The following ARHGEF28 variants were observed in gnomAD, a reference collection of about 807,000 sequenced individuals.
ARHGEF28 encodes 190 kDa guanine nucleotide exchange factor.
A neutral mutation model predicts 206.6 loss-of-function variants in ARHGEF28; 152 were observed. The ratio of observed to expected loss-of-function variants is 0.74; its 90% CI spans 0.64 to 0.84. The LOEUF is 0.84. Ranked by LOEUF, ARHGEF28 falls within the 40% of genes least tolerant of loss-of-function variation. The probability of loss-of-function intolerance (pLI) is 0.00; values close to 1 mark genes in which losing one functional copy is unlikely to be tolerated. For missense variants in ARHGEF28, 2,028 were observed against 2,073.2 expected, an observed-to-expected ratio of 0.98 and a Z score of 0.42; for synonymous variants, 763 against 776.4, an observed-to-expected ratio of 0.98 and a Z score of 0.29.
chr5:73,725,070 C>A (rs777939459), intron 2 of ARHGEF28, among the ~76,000 whole-genome samples: 2 of 145,648 alleles, frequency 1.4e-5, no homozygotes, highest in African/African-American at 5.7e-5. Context: ...TTAAAAAAAA[C>A]CCTTAATTCC....
rs564501921 is a variant in ARHGEF28, at chr5:73,753,377, A to T, written c.475+175A>T. On this transcript the variant is annotated intron_variant, in intron 4 of 35. Coordinates refer to ENST00000513042, the MANE Select transcript of ARHGEF28 (RefSeq NM_001177693.2). ...GAGCCACTCATCTCTGGGCTGGTTT[A>T]TGTGACTCCGTGCCAGGAGGTGTGG... Among the ~76,000 whole-genome samples, 55 of 152,258 alleles carry T rather than the reference A, an allele frequency of 3.6e-4. 2 individuals are homozygous for T. Among genetic ancestry groups the T allele is most frequent in the Admixed American group, 3.3e-3 (50 of 15,304 alleles).
In ARHGEF28 at chr5:73,787,247, A is replaced by G. The variant is rs552761769; in HGVS notation, c.910+6502A>G. Among the ~76,000 whole-genome samples the G allele has an allele frequency of 3.3e-5, 5 of 152,312 alleles. No individual in the cohort carries two copies. In the South Asian group the frequency reaches 1.0e-3, roughly 32 times the overall value. On this transcript the variant is annotated intron_variant, in intron 7 of 35. Transcript: ENST00000513042. ...TGCAGAGCTGATCATTCACTTGCAT[A>G]CACAGCTCTACCTTGACTCTCATGT... is the stretch of plus-strand genomic sequence containing the variant.
intron 22 of ARHGEF28, among the ~76,000 whole-genome samples, chr5:73,874,807 C>G (rs1190860997): frequency 6.7e-6 from 1 of 148,512 alleles, no homozygotes; most frequent in East Asian, 2.0e-4. Flanking sequence ...TTTTCTTAAT[C>G]CAGTCTATCA....
At chr5:73,726,886 A>G (rs1414559041) in intron 2 of ARHGEF28, among the ~76,000 whole-genome samples, 2 of 151,908 alleles carry the variant, frequency 1.3e-5, no homozygotes, top group Non-Finnish European at 2.9e-5. Flanking sequence ...TTCTTTCTGC[A>G]GAGATAGAAA....
At chr5:73,903,658 A>C (rs1762392865) in intron 31 of ARHGEF28, 1 of 154,124 alleles carries the variant, frequency 6.5e-6, no homozygotes, top group South Asian at 2.0e-4. Flanking sequence ...TGGTCTGGTG[A>C]TCTCTGACTG....
intron 2 of ARHGEF28, among the ~76,000 whole-genome samples, chr5:73,690,097 GTAGA>G (rs993520934): frequency 6.6e-6 from 1 of 151,932 alleles, no homozygotes. Context: ...CCGTGAGAAA[GTAGA>G]TAATTTTATT....
intron 1 of ARHGEF28, among the ~76,000 whole-genome samples, chr5:73,650,558 C>G (rs1236990641): frequency 6.6e-6 from 1 of 152,054 alleles, no homozygotes; most frequent in Non-Finnish European, 1.5e-5. Context: ...GCTGGGATTA[C>G]AGGTGTGAGC....
chr5:73,914,582 A>G (rs1486129592), intron 35 of ARHGEF28, among the ~76,000 whole-genome samples: 1 of 151,836 alleles, frequency 6.6e-6, no homozygotes, highest in Non-Finnish European at 1.5e-5. Context: ...TTTTCAGTAG[A>G]GACGGAGTTT....
chr5:73,656,831 C>T (rs1399652836), intron 1 of ARHGEF28, among the ~76,000 whole-genome samples: 1 of 152,106 alleles, frequency 6.6e-6, no homozygotes, highest in Non-Finnish European at 1.5e-5. Flanking sequence ...TTACTCTCCA[C>T]TTCACTCTGC....
chr5:73,925,097 T>A (rs567598010), intron 35 of ARHGEF28, among the ~76,000 whole-genome samples: 5 of 152,190 alleles, frequency 3.3e-5, no homozygotes, highest in Non-Finnish European at 5.9e-5. Flanking sequence ...AGGCCAGTTT[T>A]TGGTCCCGTG....
intron 33 of ARHGEF28, among the ~76,000 whole-genome samples, chr5:73,905,553 C>T (rs1185334438): frequency 6.6e-6 from 1 of 152,168 alleles, no homozygotes; most frequent in Non-Finnish European, 1.5e-5. Flanking sequence ...TTAAAATTAT[C>T]ATGTTGGTGT....
chr5:73,880,260 C>T (rs537296661), intron 22 of ARHGEF28, among the ~76,000 whole-genome samples: 52 of 152,306 alleles, frequency 3.4e-4, no homozygotes, highest in African/African-American at 5.3e-4. Flanking sequence ...CCTGGTGCGC[C>T]GTTTCCTAAG....
intron 22 of ARHGEF28, among the ~76,000 whole-genome samples, chr5:73,877,515 G>A (rs1463893108): frequency 1.5e-5 from 2 of 133,076 alleles, no homozygotes; most frequent in African/African-American, 3.0e-5. Context: ...TGTGATGTTA[G>A]GGTGTCAATT....
At chr5:73,684,062 T>C (rs140345958) in intron 1 of ARHGEF28, among the ~76,000 whole-genome samples, 146 of 152,352 alleles carry the variant, frequency 9.6e-4, no homozygotes, top group African/African-American at 3.5e-3. Context: ...CTATGATTTT[T>C]AATTTTGATA....
At chr5:73,768,916 C>T (rs1337919493) in intron 4 of ARHGEF28, among the ~76,000 whole-genome samples, 2 of 152,028 alleles carry the variant, frequency 1.3e-5, no homozygotes, top group African/African-American at 2.4e-5. Context: ...CTTTCCTGCA[C>T]TGTTCTCATG....
chr5:73,866,136 T>C (rs1286895983), intron 18 of ARHGEF28, 123 bp downstream of exon 18: 6 of 893,988 alleles, frequency 6.7e-6, no homozygotes, highest in Non-Finnish European at 1.0e-5. Context: ...TCATAACATA[T>C]GCTTGGCATG....
intron 2 of ARHGEF28, among the ~76,000 whole-genome samples, chr5:73,690,808 G>A (rs985403426): frequency 5.3e-5 from 8 of 152,114 alleles, no homozygotes; most frequent in Admixed American, 1.3e-4. Context: ...TGTTGGTTCC[G>A]AAGATTTTTC....
intron 22 of ARHGEF28, among the ~76,000 whole-genome samples, chr5:73,879,955 A>G (rs571359154): frequency 1.2e-4 from 18 of 152,336 alleles, no homozygotes; most frequent in African/African-American, 4.1e-4. Context: ...GCTGTCTTCA[A>G]AGCTGTCAGA....
intron 9 of ARHGEF28, among the ~76,000 whole-genome samples, chr5:73,800,779 G>A (rs1228118938): frequency 6.6e-6 from 1 of 152,160 alleles, no homozygotes; most frequent in Non-Finnish European, 1.5e-5. Flanking sequence ...ACAAGACCGA[G>A]AGAGAAACAA....
Sources: gnomAD v4.1 joint callset for allele counts (sites outside exome capture counted in the v4.1 genomes callset) on GRCh38, gnomAD v4.1.1 for gene constraint, MANE v1.5 for transcripts, NCBI Gene and HGNC (gene_info 2026-07-23, HGNC 2026-07-21) for gene names.